PRCD: variants seen among roughly 807,000 people sequenced by gnomAD.
PRCD encodes the protein photoreceptor disc component.
PRCD carries 12 observed loss-of-function variants against 10.1 expected under a neutral mutation model. That is an observed-to-expected ratio of 1.18 (90% CI 0.76 to 1.92). The LOEUF (loss-of-function observed/expected upper bound fraction) is 1.92, where lower values mean the gene tolerates loss of function less well. Among genes scored for constraint, PRCD ranks in the 40% most tolerant of loss-of-function variants. The pLI is 0.00. For missense variants in PRCD, 61 were observed against 72.2 expected (o/e 0.84, Z 0.56); for synonymous variants, 31 against 26.2 (o/e 1.18, Z -0.56).
At chr17:76,549,538 C>A (rs2075087430), downstream of PRCD, among the ~76,000 whole-genome samples, 1 of 152,200 alleles carries the variant, frequency 6.6e-6, no homozygotes. Flanking sequence ...TGAAGTGTTA[C>A]AACCACTTGG....
intron 3 of PRCD, 134 bp from the exon 4 acceptor site, chr17:76,542,895 G>A: frequency 1.7e-6 from 1 of 590,358 alleles, no homozygotes; most frequent in Non-Finnish European, 3.3e-6. Flanking sequence ...TGGCGAGGTG[G>A]TCGTGCTGGG....
intron 1 of PRCD, chr17:76,529,546 T>C (rs906272986): frequency 1.6e-4 from 156 of 985,108 alleles, no homozygotes; most frequent in Non-Finnish European, 1.8e-4. Flanking sequence ...CCAGTCTCTC[T>C]TGGCCCTTGT....
Position 76,530,148 on chromosome 17 carries a change from CG to C in PRCD, n.45+2318del. 1.1e-6 allele frequency: 1 copy of C among 946,340 alleles called. No individual in the cohort carries two copies. Among genetic ancestry groups the C allele is most frequent in the Non-Finnish European group, 1.3e-6 (1 of 794,188 alleles). The allele number at this position is 946,340 out of a possible 1,614,324, so 58.6% of individuals were successfully genotyped here. On this transcript the variant is annotated intron_variant and non_coding_transcript_variant, in intron 1 of 4. Transcript: ENST00000397633. This position sits in a 1 kb window ranked among gnomAD's most constrained non-coding sequence, Gnocchi z 6.1. ...GAATGTTTCTCTACCACGCGTGTCC[CG>C]GGCTGCTGGCTGACCTCTGCTTCCC...
At chr17:76,545,597 G>C (rs900319900), downstream of PRCD, 1 of 341,856 alleles carries the variant, frequency 2.9e-6, no homozygotes, top group Non-Finnish European at 5.8e-6. Flanking sequence ...TCCTGGGTTT[G>C]AACCTTGTTC....
intron 1 of PRCD, among the ~76,000 whole-genome samples, chr17:76,534,845 A>T (rs2143107695): frequency 6.6e-6 from 1 of 152,022 alleles, no homozygotes. Context: ...CCCCACCCAG[A>T]CCCTCCACGG....
In PRCD at chr17:76,540,457, G is replaced by A. The variant is rs1225874989; in HGVS notation, c.75-48G>A. 6.3e-7 allele frequency: 1 copy of A among 1,596,994 alleles called. No homozygotes were observed. Among genetic ancestry groups the A allele is most frequent in the Non-Finnish European group, 8.6e-7 (1 of 1,165,116 alleles). On this transcript the variant is annotated intron_variant, in intron 1 of 4. Transcript: ENST00000592014. This position sits in a 1 kb window ranked among gnomAD's most constrained non-coding sequence, Gnocchi z 5.0. ...CCTGGACCTGTGGAGGGACAGTGAG[G>A]GGCTGGGCACAGCCATAGCTCTTCC...
intron 1 of PRCD, chr17:76,551,502 G>A (rs1178745829): frequency 6.6e-6 from 1 of 152,172 alleles, no homozygotes; most frequent in Non-Finnish European, 1.5e-5. Flanking sequence ...AATGCGTAGG[G>A]TCTGTGTTAT....
chr17:76,540,263 G>GA lies in PRCD; in HGVS notation c.74+48_74+49insA. The GA allele has an allele frequency of 1.6e-6, 1 of 610,900 alleles. No individual in the cohort carries two copies. Among genetic ancestry groups the GA allele is most frequent in the Non-Finnish European group, 2.9e-6 (1 of 345,508 alleles). The allele number at this position is 610,900 out of a possible 1,614,324, so 37.8% of individuals were successfully genotyped here. A position where few individuals can be genotyped will look rare whatever the true frequency, so the allele number is the denominator to read the frequency against. On this transcript the variant is annotated intron_variant, in intron 1 of 4. Coordinates refer to ENST00000592014, the MANE Select transcript of PRCD (RefSeq NM_001077620.3). The surrounding 1 kb of genome is among the most constrained non-coding windows in gnomAD (Gnocchi z 5.0). Reference sequence around the variant, plus strand: ...GCTGGCGGTTGGTCGGGGGGGGGGGGCATGGGGCTGGGCTGCCACCAAGCT... The same window carrying GA: ...GCTGGCGGTTGGTCGGGGGGGGGGGGACATGGGGCTGGGCTGCCACCAAGCT...
Position 76,544,435 on chromosome 17 carries a change from C to A in PRCD, c.*785C>A, listed in dbSNP as rs1285262239. On this transcript the variant is annotated 3_prime_UTR_variant, in exon 5 of 5. Coordinates refer to ENST00000592014, the MANE Select transcript of PRCD (RefSeq NM_001077620.3). ...CGCTCAGGGTGGGGGAGGAGGTGCA[C>A]CCCGCTGGGGAGGGCCTGCTGGTAC... 2.0e-5 allele frequency: 9 copies of A among 454,784 alleles called. No homozygotes were observed. Among genetic ancestry groups the A allele is most frequent in the African/African-American group, 6.0e-5 (3 of 50,002 alleles). 28.2% of individuals were successfully genotyped at this position (454,784 alleles called of 1,614,324 possible).
At chr17:76,537,884 A>G (rs1356399977), upstream of PRCD, 1 of 149,946 alleles carries the variant, frequency 6.7e-6, no homozygotes, top group Admixed American at 6.6e-5. Context: ...GGTGGGGGCG[A>G]CGCGACTGCC....
At position 76,528,327 on chromosome 17, in the gene PRCD, A is replaced by G; in HGVS notation, n.45+494A>G. On this transcript the variant is annotated intron_variant and non_coding_transcript_variant, in intron 1 of 4. Transcript: ENST00000397633. The surrounding 1 kb of genome is among the most constrained non-coding windows in gnomAD (Gnocchi z 5.8). The stretch of plus-strand genomic sequence containing the variant: ...CCGCTCAGCTAGGTCTCTCTCTAAC[A>G]GTGAGTAGAAAAGCTAAGAAGAGTG... The G allele has an allele frequency of 2.5e-6, 1 of 403,248 alleles. No homozygotes were observed. Among genetic ancestry groups the G allele is most frequent in the Non-Finnish European group, 4.4e-6 (1 of 229,014 alleles). The allele number at this position is 403,248 out of a possible 1,614,324, so 25.0% of individuals were successfully genotyped here.
At chr17:76,534,027 G>C (rs2074880992) in intron 1 of PRCD, among the ~76,000 whole-genome samples, 1 of 152,168 alleles carries the variant, frequency 6.6e-6, no homozygotes, top group Admixed American at 6.5e-5. Context: ...GACAGAGCAA[G>C]ACCCTGACAA....
chr17:76,549,911 T>C (rs1056841713), downstream of PRCD: 8 of 152,168 alleles, frequency 5.3e-5, no homozygotes, highest in African/African-American at 1.9e-4. Context: ...TTAGATATTG[T>C]GGGGGTTGAC....
At position 76,530,070 on chromosome 17, in the gene PRCD, G is replaced by A. The variant is rs1272399236; in HGVS notation, n.45+2237G>A. The A allele has an allele frequency of 5.1e-6, 5 of 985,142 alleles. No individual in the cohort carries two copies. The highest frequency in any genetic ancestry group is 6.0e-6 in the Non-Finnish European group (5 of 829,862). 61.0% of individuals were successfully genotyped at this position (985,142 alleles called of 1,614,324 possible). On this transcript the variant is annotated intron_variant and non_coding_transcript_variant, in intron 1 of 4. Coordinates refer to the PRCD transcript ENST00000397633. The surrounding 1 kb of genome is among the most constrained non-coding windows in gnomAD (Gnocchi z 6.1). ...CTTGGGGGCCCGTGCAGAGCCCGGC[G>A]GGAGACGCCGCCTTTTCCATGGGAA...
rs1328566571 is a variant in PRCD, at chr17:76,540,657, C to CTG, written c.143+87_143+88dup. The CTG allele has an allele frequency of 1.9e-5, 25 of 1,300,542 alleles. No homozygotes were observed. In the African/African-American group the frequency reaches 3.3e-4, roughly 17 times the overall value. 80.6% of individuals were successfully genotyped at this position (1,300,542 alleles called of 1,614,324 possible). Reference sequence around the variant, plus strand: ...CATGCCTGGGGGTGCACGTGTGTGCCTGTGCGCGCCTGTGCGTGCACCGTA... The same window carrying CTG: ...CATGCCTGGGGGTGCACGTGTGTGCCTGTGTGCGCGCCTGTGCGTGCACCGTA... On this transcript the variant is annotated intron_variant, in intron 2 of 4. Coordinates refer to ENST00000592014, the MANE Select transcript of PRCD (RefSeq NM_001077620.3). This position sits in a 1 kb window ranked among gnomAD's most constrained non-coding sequence, Gnocchi z 5.0.
chr17:76,527,994 T>G, intron 1 of PRCD: 1 of 360,402 alleles, frequency 2.8e-6, no homozygotes, highest in Non-Finnish European at 5.5e-6. Flanking sequence ...TGCGCTGCTG[T>G]GGGATTTCCT....
intron 1 of PRCD, among the ~76,000 whole-genome samples, chr17:76,534,124 T>TTCTCTCTC (rs2074883627): frequency 7.4e-6 from 1 of 134,684 alleles, no homozygotes; most frequent in South Asian, 2.6e-4. Context: ...CTTTCTTTCT[T>TTCTCTCTC]TCTTTCTCTC....
upstream of PRCD, chr17:76,539,885 C>T (rs1309135212): frequency 5.2e-6 from 3 of 581,802 alleles, no homozygotes; most frequent in Non-Finnish European, 9.2e-6. Context: ...CAGATCGAGA[C>T]TCCGAATACG....
chr17:76,538,013 G>A (rs1256371213), upstream of PRCD: 1 of 151,464 alleles, frequency 6.6e-6, no homozygotes, highest in Non-Finnish European at 1.5e-5. Context: ...GGCGGCGCGG[G>A]CCGCACAGGA....
Sources: gnomAD v4.1 joint callset for allele counts (sites outside exome capture counted in the v4.1 genomes callset) on GRCh38, gnomAD v4.1.1 for gene constraint, Gnocchi (gnomAD v3.1) non-coding constraint, MANE v1.5 for transcripts, NCBI Gene and HGNC (gene_info 2026-07-23, HGNC 2026-07-21) for gene names.